The following AK8 variants were observed in gnomAD, a reference collection of about 807,000 sequenced individuals.
AK8 encodes the protein ATP-AMP transphosphorylase 8.
Under a neutral mutation model 54.6 loss-of-function variants are expected in AK8, and 44 were observed. That is an observed-to-expected ratio of 0.81 (90% CI 0.63 to 1.04). The LOEUF (loss-of-function observed/expected upper bound fraction) is 1.04, where lower values mean the gene tolerates loss of function less well. AK8 is among the 50% of genes least tolerant of loss of function. The pLI, the probability that AK8 is intolerant of heterozygous loss-of-function variation, is 0.00. For synonymous variants in AK8, 239 were observed against 245.6 expected, an observed-to-expected ratio of 0.97 and a Z score of 0.25; for missense variants, 555 against 613.6, an observed-to-expected ratio of 0.90 and a Z score of 1.01.
At chr9:132,854,192 C>A (rs1287534729) in intron 5 of AK8, among the ~76,000 whole-genome samples, 3 of 152,030 alleles carry the variant, frequency 2.0e-5, no homozygotes, top group Admixed American at 1.3e-4. Context: ...AGAGCAAGAC[C>A]CTGTCTCAAA....
At chr9:132,735,823 A>G (rs1426654650) in intron 11 of AK8, among the ~76,000 whole-genome samples, 1 of 152,246 alleles carries the variant, frequency 6.6e-6, no homozygotes, top group Non-Finnish European at 1.5e-5. Context: ...ACTGTTCATC[A>G]ATAGATGAAT....
chr9:132,855,601 T>C (rs1843145198), intron 4 of AK8, among the ~76,000 whole-genome samples: 1 of 152,184 alleles, frequency 6.6e-6, no homozygotes, highest in African/African-American at 2.4e-5. Flanking sequence ...GTGCTGGTTG[T>C]TGAATATTGA....
At chr9:132,816,476 G>C (rs1841335468) in intron 9 of AK8, among the ~76,000 whole-genome samples, 1 of 152,144 alleles carries the variant, frequency 6.6e-6, no homozygotes, top group Non-Finnish European at 1.5e-5. Context: ...ATAACCTGCT[G>C]TTTCTTAGGT....
chr9:132,777,685 G>A (rs910498712), intron 11 of AK8, among the ~76,000 whole-genome samples: 1 of 152,202 alleles, frequency 6.6e-6, no homozygotes, highest in Non-Finnish European at 1.5e-5. Flanking sequence ...GAAAGGGTAA[G>A]TAGCCGCCTG....
chr9:132,829,658 G>A (rs1842028662), intron 5 of AK8, among the ~76,000 whole-genome samples: 1 of 151,920 alleles, frequency 6.6e-6, no homozygotes, highest in African/African-American at 2.4e-5. Context: ...CTTGTTACAG[G>A]ATTGAAATTC....
In AK8 at chr9:132,870,638, G is replaced by A. The variant is rs560251794; in HGVS notation, c.170-3685C>T. On this transcript the variant is annotated intron_variant, in intron 2 of 12. Coordinates refer to ENST00000298545, the MANE Select transcript of AK8 (RefSeq NM_152572.3). ...CGAAGGGGCTGCCAGCCCAAGTGCC[G>A]GGGCTCCCTCTGCTCCCTCGTGTGC... 4.6e-5 allele frequency among the ~76,000 whole-genome samples: 7 copies of A among 152,360 alleles called. No individual in the cohort carries two copies. In the South Asian group the frequency reaches 1.5e-3, roughly 32 times the overall value.
At position 132,823,306 on chromosome 9, in the gene AK8, G is replaced by C. The variant is rs377149771; in HGVS notation, c.788C>G (p.Thr263Ser). The C allele has an allele frequency of 8.7e-6, 14 of 1,613,924 alleles. No homozygotes were observed. The highest frequency in any genetic ancestry group is 1.2e-5 in the Non-Finnish European group (14 of 1,179,914). ...ALTYVQSNHR[T>S]NAPFTPRVLL... ...CACCCTCGGGGTGAACGGGGCATTA[G>C]TACGATGGTTGCTTTGGACATAGGT... The change falls in exon 9 of 13, where the codon ACT (threonine) becomes AGT (serine). Residue 263 changes from threonine to serine, a missense_variant. Transcript: ENST00000298545.
At chr9:132,878,552 A>G (rs1169061912), upstream of AK8, 3 of 1,158,960 alleles carry the variant, frequency 2.6e-6, no homozygotes, top group Non-Finnish European at 2.1e-6. The surrounding 1 kb of genome is among the most constrained non-coding windows in gnomAD (Gnocchi z 4.7). Flanking sequence ...GACGAAACCC[A>G]GAAGGGGCAA....
At chr9:132,771,137 T>C (rs1287726203) in intron 11 of AK8, among the ~76,000 whole-genome samples, 1 of 152,204 alleles carries the variant, frequency 6.6e-6, no homozygotes, top group Non-Finnish European at 1.5e-5. Context: ...TGCTGTGTGA[T>C]GAGGGCAAGA....
At chr9:132,801,742 C>A (rs564183749) in intron 10 of AK8, among the ~76,000 whole-genome samples, 10 of 152,330 alleles carry the variant, frequency 6.6e-5, no homozygotes, top group Admixed American at 5.2e-4. Context: ...ATATGATGAG[C>A]CTGGCCCTGT....
At chr9:132,858,382 G>A (rs908954519) in intron 4 of AK8, among the ~76,000 whole-genome samples, 1 of 152,208 alleles carries the variant, frequency 6.6e-6, no homozygotes. Flanking sequence ...TCCCCAGTGG[G>A]CTTTCTCACA....
intron 11 of AK8, among the ~76,000 whole-genome samples, chr9:132,789,971 T>A (rs901984755): frequency 6.6e-6 from 1 of 152,130 alleles, no homozygotes; most frequent in African/African-American, 2.4e-5. Flanking sequence ...CTTAAGTATA[T>A]CTGCAAAGTC....
In AK8 at chr9:132,803,962, C is replaced by T. The variant is rs1186161693; in HGVS notation, c.979+10676G>A. 4.6e-5 allele frequency among the ~76,000 whole-genome samples: 7 copies of T among 151,934 alleles called. No individual in the cohort carries two copies. Among genetic ancestry groups the T allele is most frequent in the East Asian group, 1.9e-4 (1 of 5,170 alleles). On this transcript the variant is annotated intron_variant, in intron 10 of 12. Transcript: ENST00000298545. This position sits in a 1 kb window ranked among gnomAD's most constrained non-coding sequence, Gnocchi z 4.4. ...CTCTACTAAAAATACAAAAATTAGCCGGGCGTGGTGGTGGGCGCCTGTAGT... is the reference window on the plus strand; with the variant it reads ...CTCTACTAAAAATACAAAAATTAGCTGGGCGTGGTGGTGGGCGCCTGTAGT...
intron 3 of AK8, among the ~76,000 whole-genome samples, chr9:132,866,349 G>A (rs551336432): frequency 1.3e-5 from 2 of 151,698 alleles, no homozygotes; most frequent in African/African-American, 4.8e-5. Flanking sequence ...CCAGGCATTT[G>A]CTGTATCTTC....
intron 5 of AK8, among the ~76,000 whole-genome samples, chr9:132,832,144 A>AT (rs1207707603): frequency 4.3e-5 from 4 of 92,898 alleles, no homozygotes; most frequent in East Asian, 4.6e-4. Context: ...CTCCACTGAC[A>AT]TTTAAAAAAA....
At chr9:132,872,089 C>T (rs1350926870) in intron 2 of AK8, among the ~76,000 whole-genome samples, 1 of 152,188 alleles carries the variant, frequency 6.6e-6, no homozygotes, top group Non-Finnish European at 1.5e-5. Context: ...AATCTCAATG[C>T]TTTGGGAGGC....
intron 5 of AK8, among the ~76,000 whole-genome samples, chr9:132,835,140 G>A (rs989525851): frequency 6.6e-6 from 1 of 152,188 alleles, no homozygotes; most frequent in Admixed American, 6.5e-5. Flanking sequence ...AAAGTGCTGG[G>A]ATTACAGGCA....
intron 5 of AK8, among the ~76,000 whole-genome samples, chr9:132,834,893 G>C (rs1032557757): frequency 4.7e-5 from 7 of 148,582 alleles, no homozygotes; most frequent in Non-Finnish European, 1.0e-4. Context: ...TTGAGACAGA[G>C]TCCCACTCTG....
intron 11 of AK8, among the ~76,000 whole-genome samples, chr9:132,734,004 C>T (rs1399846115): frequency 6.6e-6 from 1 of 152,138 alleles, no homozygotes; most frequent in East Asian, 1.9e-4. Flanking sequence ...GCTGCCTCAG[C>T]ACCTCCCCAG....
Sources: allele counts gnomAD v4.1 joint callset (sites outside exome capture counted in the v4.1 genomes callset), GRCh38; gene constraint gnomAD v4.1.1; non-coding constraint Gnocchi (gnomAD v3.1); transcripts MANE v1.5; gene names NCBI Gene and HGNC (gene_info 2026-07-23, HGNC 2026-07-21).